The following UNC13B variants were observed in gnomAD, a reference collection of about 807,000 sequenced individuals.
The protein encoded by UNC13B is protein unc-13 homolog B.
In UNC13B, 144 loss-of-function variants were observed where a neutral mutation model predicts 211.0. That is an observed-to-expected ratio of 0.68 (90% CI 0.60 to 0.78). UNC13B has a LOEUF of 0.78. Among genes scored for constraint, UNC13B ranks in the 30% least tolerant of loss-of-function variants. The pLI is 0.00. For missense variants in UNC13B, 1,777 were observed against 2,002.0 expected (o/e 0.89, Z 2.14); for synonymous variants, 709 against 725.8 (o/e 0.98, Z 0.37).
At chr9:35,331,578 GTGGGTACTGC>G (rs1217577786) in intron 11 of UNC13B, among the ~76,000 whole-genome samples, 3 of 152,126 alleles carry the variant, frequency 2.0e-5, no homozygotes, top group Non-Finnish European at 4.4e-5. Flanking sequence ...CCCCTAATAA[GTGGGTACTGC>G]TGGGTACTGT....
chr9:35,383,842 C>T (rs535011833), intron 21 of UNC13B, among the ~76,000 whole-genome samples: 4 of 152,136 alleles, frequency 2.6e-5, no homozygotes, highest in South Asian at 2.1e-4. Flanking sequence ...TGCACTACCC[C>T]GAGATAAGTC....
chr9:35,196,727 C>T (rs534137857), intron 1 of UNC13B, among the ~76,000 whole-genome samples: 18 of 152,286 alleles, frequency 1.2e-4, no homozygotes, highest in Non-Finnish European at 1.2e-4. Flanking sequence ...AAGTACCTCC[C>T]AGCTTTGACT....
In UNC13B at chr9:35,397,189, C is replaced by T. The variant is rs1194728851; in HGVS notation, c.11555C>T (p.Ala3852Val). The change falls in exon 29 of 40, where the codon GCA becomes GTA. Residue 3852 changes from alanine (A) to valine (V), a missense_variant. Ala to Val is a moderately conservative substitution (Grantham distance 64). Coordinates refer to ENST00000635942, the MANE Select transcript of UNC13B (RefSeq NM_001371189.2). ...KDGFQQTSEH[A>V]LFSCSVVDVF... Reference sequence around the variant, plus strand: ...TAGTTCCAGCAGACATCAGAGCATGCACTCTTTTCCTGCTCTGTGGTGGAT... The same window carrying T: ...TAGTTCCAGCAGACATCAGAGCATGTACTCTTTTCCTGCTCTGTGGTGGAT... 6.2e-7 allele frequency: 1 copy of T among 1,614,178 alleles called. No homozygotes were observed. Among genetic ancestry groups the T allele is most frequent in the Admixed American group, 1.7e-5 (1 of 60,030 alleles).
intron 1 of UNC13B, among the ~76,000 whole-genome samples, chr9:35,204,342 C>T (rs886767011): frequency 6.6e-6 from 1 of 152,014 alleles, no homozygotes; most frequent in Non-Finnish European, 1.5e-5. Context: ...GGGGTGGGAG[C>T]CCCCCCACAG....
intron 1 of UNC13B, among the ~76,000 whole-genome samples, chr9:35,162,600 G>A (rs551414683): frequency 5.4e-4 from 82 of 152,322 alleles, no homozygotes; most frequent in Non-Finnish European, 4.0e-4. Context: ...GAGAGTGGAC[G>A]AGTTAGAAGA....
intron 11 of UNC13B, chr9:35,342,106 C>T (rs1003812965): frequency 1.5e-5 from 15 of 985,202 alleles, no homozygotes; most frequent in East Asian, 1.1e-4. Context: ...AACTTTGTGC[C>T]GTGGAGCCAG....
rs75656345 is a variant in UNC13B, at chr9:35,184,727, G to T, written c.22+22422G>T. ...AAGAAAGAAAGAAAGAAAGAAAGGG[G>T]AGAGAGGGAGACGAAAGAAAGAAAG... On this transcript the variant is annotated intron_variant, in intron 1 of 39. Coordinates refer to ENST00000635942, the MANE Select transcript of UNC13B (RefSeq NM_001371189.2). 7.8e-3 allele frequency among the ~76,000 whole-genome samples: 950 copies of T among 121,266 alleles called. 11 individuals carry two copies. Among genetic ancestry groups the T allele is most frequent in the African/African-American group, 0.026 (883 of 34,216 alleles). The allele number at this position is 121,266 out of a possible 152,430, so 79.6% of individuals were successfully genotyped here.
intron 11 of UNC13B, among the ~76,000 whole-genome samples, chr9:35,366,682 T>C (rs1833791721): frequency 6.6e-6 from 1 of 152,222 alleles, no homozygotes; most frequent in Non-Finnish European, 1.5e-5. Flanking sequence ...ATATGAGTTC[T>C]GCCATTCCAG....
intron 8 of UNC13B, among the ~76,000 whole-genome samples, chr9:35,299,279 A>G (rs1003353808): frequency 6.6e-5 from 10 of 152,302 alleles, no homozygotes; most frequent in Admixed American, 6.5e-4. Context: ...TTTTTGTAGT[A>G]TAACAAAGTT....
intron 1 of UNC13B, among the ~76,000 whole-genome samples, chr9:35,177,909 T>C (rs1407501455): frequency 6.6e-6 from 1 of 152,208 alleles, no homozygotes; most frequent in African/African-American, 2.4e-5. Flanking sequence ...AGTCAAGTTT[T>C]CCATTATGGT....
chr9:35,313,865 A>G (rs781368047), intron 10 of UNC13B, 34 bp from the exon 11 acceptor site: 47 of 1,570,462 alleles, frequency 3.0e-5, no homozygotes, highest in African/African-American at 5.4e-5. Context: ...GGCCTTGGCT[A>G]TTTTTAAGAA....
rs1218227233 is a variant in UNC13B at position 35,376,204 on chromosome 9, C to T, written c.9792C>T (p.Cys3264=). The T allele has an allele frequency of 1.2e-5, 19 of 1,614,006 alleles. No homozygotes were observed. Among genetic ancestry groups the T allele is most frequent in the Non-Finnish European group, 1.4e-5 (16 of 1,180,042 alleles). ...GCTGCAGCGAATGTGGAGTCAAGTG[C>T]CATGAGAAGTGCCAGGATCTGCTCA... The part of the protein sequence containing the change: ...GMRCSECGVK[C]HEKCQDLLNA... The change falls in exon 15 of 40, where the codon TGC becomes TGT. Residue 3264 remains cysteine (C), a synonymous_variant. Coordinates refer to ENST00000635942, the MANE Select transcript of UNC13B (RefSeq NM_001371189.2).
chr9:35,335,222 G>A (rs1303257739), intron 11 of UNC13B, among the ~76,000 whole-genome samples: 1 of 152,204 alleles, frequency 6.6e-6, no homozygotes, highest in East Asian at 1.9e-4. Context: ...TAAGTTAGCA[G>A]TTAAGTATCA....
intron 1 of UNC13B, among the ~76,000 whole-genome samples, chr9:35,165,652 C>T (rs1175328019): frequency 3.3e-5 from 5 of 151,834 alleles, no homozygotes; most frequent in Non-Finnish European, 4.4e-5. Context: ...CTCCTGACCT[C>T]GTGATCTGCC....
chr9:35,201,298 G>C (rs59948955), intron 1 of UNC13B, among the ~76,000 whole-genome samples: 3,997 of 152,134 alleles, frequency 0.026, 177 homozygotes, highest in African/African-American at 0.089. Flanking sequence ...AAAATTCTCT[G>C]TTTTTGTTGT....
At chr9:35,398,769 T>C in intron 32 of UNC13B, 113 bp from the exon 33 acceptor site, 1 of 1,561,466 alleles carries the variant, frequency 6.4e-7, no homozygotes, top group Admixed American at 1.7e-5. Context: ...CTGCTGACTG[T>C]CCCTGCTGGA....
At chr9:35,351,926 G>T in intron 11 of UNC13B, 2 of 1,232,192 alleles carry the variant, frequency 1.6e-6, no homozygotes, top group South Asian at 4.1e-5. Context: ...CTGTAGCCGT[G>T]AACAGCGGGA....
At chr9:35,163,329 T>A (rs1279710243) in intron 1 of UNC13B, among the ~76,000 whole-genome samples, 2 of 152,216 alleles carry the variant, frequency 1.3e-5, no homozygotes, top group Non-Finnish European at 2.9e-5. Flanking sequence ...TTGTTGTTGT[T>A]TGTGATTTCT....
chr9:35,309,697 A>G (rs902986307), intron 9 of UNC13B, among the ~76,000 whole-genome samples: 1 of 152,210 alleles, frequency 6.6e-6, no homozygotes, highest in Non-Finnish European at 1.5e-5. Context: ...ATAGAGATGC[A>G]TGAATACGGC....
Sources: gnomAD v4.1 joint callset for allele counts (sites outside exome capture counted in the v4.1 genomes callset) on GRCh38, gnomAD v4.1.1 for gene constraint, MANE v1.5 for transcripts, NCBI Gene and HGNC (gene_info 2026-07-23, HGNC 2026-07-21) for gene names.